The following ITGA6 variants were observed in gnomAD, a reference collection of about 807,000 sequenced individuals.
ITGA6 encodes integrin subunit alpha 6, also known as integrin alpha-6.
ITGA6 carries 63 observed loss-of-function variants against 133.6 expected under a neutral mutation model. That is an observed-to-expected ratio of 0.47 (90% CI 0.38 to 0.58). ITGA6 has a LOEUF of 0.58. Among genes scored for constraint, ITGA6 ranks in the 20% least tolerant of loss-of-function variants. ITGA6 has a pLI of 0.00. For synonymous variants in ITGA6, 434 were observed against 482.0 expected, an observed-to-expected ratio of 0.90 and a Z score of 1.30; for missense variants, 1,068 against 1,309.4, an observed-to-expected ratio of 0.82 and a Z score of 2.85.
chr2:172,435,612 G>GT (rs1684284876), intron 1 of ITGA6, among the ~76,000 whole-genome samples: 25 of 113,094 alleles, frequency 2.2e-4, no homozygotes, highest in African/African-American at 9.1e-4. Context: ...CAAGAGTTTT[G>GT]TTTCTTTTTT....
intron 9 of ITGA6, 106 bp downstream of exon 9, chr2:172,476,619 T>C (rs1004051604): frequency 2.6e-6 from 2 of 758,816 alleles, no homozygotes; most frequent in African/African-American, 3.4e-5. Context: ...CAAAGGTTTA[T>C]ATGAATTGTG....
rs773590762 is a variant in ITGA6, at chr2:172,475,580, T to A, written c.1181-17T>A. ...TAAAGCGTTTGTTAAAATGTTAAAA[T>A]GTGATGTTGTCAACAGATATTGCAG... On this transcript the variant is annotated splice_polypyrimidine_tract_variant and intron_variant, in intron 7 of 25. Transcript: ENST00000684293. 6.4e-6 allele frequency: 9 copies of A among 1,403,628 alleles called. No individual in the cohort carries two copies. The highest frequency in any genetic ancestry group is 9.1e-6 in the Non-Finnish European group (9 of 987,900). 86.9% of individuals were successfully genotyped at this position (1,403,628 alleles called of 1,614,324 possible).
intron 2 of ITGA6, chr2:172,465,964 A>G (rs984476696): frequency 1.9e-5 from 9 of 472,316 alleles, no homozygotes; most frequent in African/African-American, 1.6e-4. Flanking sequence ...CTCATTTCAT[A>G]GCAATGAAGA....
chr2:172,500,680 C>T (rs28463972), intron 24 of ITGA6, among the ~76,000 whole-genome samples: 29,945 of 152,038 alleles, frequency 0.2, 4,222 homozygotes, highest in African/African-American at 0.4. Flanking sequence ...GGCCTCTTGG[C>T]TCCTGGTTTA....
chr2:172,449,323 T>C (rs1362957737), intron 1 of ITGA6, among the ~76,000 whole-genome samples: 2 of 152,212 alleles, frequency 1.3e-5, no homozygotes, highest in African/African-American at 4.8e-5. Flanking sequence ...GTCCTACAAA[T>C]ATGAGTAGTT....
chr2:172,487,469 G>A lies in ITGA6; in HGVS notation c.2160+16G>A, dbSNP rs750245104. ...GGCTTTCCCTGTAAGTATTGTTAGA[G>A]ACCAGCTGAGAGGGGAAAAAAATCA... On this transcript the variant is annotated intron_variant, in intron 15 of 25. Coordinates refer to ENST00000684293, the MANE Select transcript of ITGA6 (RefSeq NM_000210.4). The A allele has an allele frequency of 1.9e-6, 3 of 1,612,464 alleles. No individual in the cohort carries two copies. Among genetic ancestry groups the A allele is most frequent in the Non-Finnish European group, 2.5e-6 (3 of 1,178,648 alleles).
At chr2:172,473,470 A>G (rs1686032863) in intron 5 of ITGA6, among the ~76,000 whole-genome samples, 2 of 152,248 alleles carry the variant, frequency 1.3e-5, no homozygotes, top group South Asian at 4.1e-4. Flanking sequence ...AGTTGGTCCA[A>G]AACAATGAAA....
At chr2:172,493,067 A>T (rs1308488186) in intron 23 of ITGA6, among the ~76,000 whole-genome samples, 4 of 117,830 alleles carry the variant, frequency 3.4e-5, no homozygotes, top group Non-Finnish European at 6.6e-5. Flanking sequence ...CACCACGCCC[A>T]GCTAATTTTT....
At chr2:172,436,215 T>C (rs1684314562) in intron 1 of ITGA6, among the ~76,000 whole-genome samples, 1 of 152,138 alleles carries the variant, frequency 6.6e-6, no homozygotes, top group Non-Finnish European at 1.5e-5. Context: ...GACAGTGGCC[T>C]TGGGGAAGGC....
intron 1 of ITGA6, among the ~76,000 whole-genome samples, chr2:172,447,043 G>A (rs1684796712): frequency 6.6e-6 from 1 of 151,976 alleles, no homozygotes; most frequent in Non-Finnish European, 1.5e-5. Context: ...GATTACAGGT[G>A]TGCACCACCG....
intron 23 of ITGA6, among the ~76,000 whole-genome samples, 180 bp from the exon 24 acceptor site, chr2:172,497,795 A>G (rs189207455): frequency 3.7e-4 from 56 of 152,342 alleles, no homozygotes; most frequent in African/African-American, 1.2e-3. Context: ...AAGATCTTCA[A>G]GGAATGTCTC....
intron 23 of ITGA6, among the ~76,000 whole-genome samples, chr2:172,494,481 C>T (rs1403439914): frequency 6.6e-6 from 1 of 152,152 alleles, no homozygotes; most frequent in African/African-American, 2.4e-5. Context: ...ACACTCCAGC[C>T]AGGACAACAG....
chr2:172,439,153 G>A (rs1465124992), intron 1 of ITGA6, among the ~76,000 whole-genome samples: 1 of 151,982 alleles, frequency 6.6e-6, no homozygotes, highest in Admixed American at 6.6e-5. Context: ...GACTGGGTGT[G>A]TGTGATACAG....
intron 1 of ITGA6, among the ~76,000 whole-genome samples, chr2:172,430,055 G>A (rs1684046125): frequency 6.6e-6 from 1 of 152,240 alleles, no homozygotes; most frequent in Non-Finnish European, 1.5e-5. Context: ...GGGTCTTTCA[G>A]GGACCTGGTG....
At chr2:172,452,576 C>T (rs1045555899) in intron 1 of ITGA6, among the ~76,000 whole-genome samples, 1 of 152,154 alleles carries the variant, frequency 6.6e-6, no homozygotes, top group Non-Finnish European at 1.5e-5. Flanking sequence ...TAGGGTGATT[C>T]TCCTGCATTT....
At chr2:172,468,515 T>C (rs1411181355) in intron 3 of ITGA6, among the ~76,000 whole-genome samples, 2 of 152,254 alleles carry the variant, frequency 1.3e-5, no homozygotes, top group African/African-American at 4.8e-5. Context: ...ATTCATACCC[T>C]GTAGAAATTA....
At chr2:172,461,395 G>GTTCACA (rs2149030601) in intron 1 of ITGA6, among the ~76,000 whole-genome samples, 1 of 152,284 alleles carries the variant, frequency 6.6e-6, no homozygotes, top group Admixed American at 6.5e-5. Flanking sequence ...AATGATCTTA[G>GTTCACA]TTCACACCCA....
chr2:172,498,841 A>C (rs934066379), intron 24 of ITGA6, among the ~76,000 whole-genome samples: 34 of 152,258 alleles, frequency 2.2e-4, no homozygotes, highest in South Asian at 4.1e-4. Context: ...AAGCTCTGAA[A>C]CCTTGAAGTA....
chr2:172,497,628 C>T lies in ITGA6; in HGVS notation c.2989-347C>T, dbSNP rs542136771. On this transcript the variant is annotated intron_variant, in intron 23 of 25. Coordinates refer to ENST00000684293, the MANE Select transcript of ITGA6 (RefSeq NM_000210.4). ...AGAGCAATTTGTTTAGATACACAGA[C>T]TGGCTGTATATTGATAATTGCTGGA... is the stretch of plus-strand genomic sequence containing the variant. 4.6e-5 allele frequency among the ~76,000 whole-genome samples: 7 copies of T among 152,080 alleles called. No individual in the cohort carries two copies. The East Asian group carries it at 1.4e-3, about 29-fold the overall frequency.
Sources: allele counts gnomAD v4.1 joint callset (sites outside exome capture counted in the v4.1 genomes callset), GRCh38; gene constraint gnomAD v4.1.1; transcripts MANE v1.5; gene names NCBI Gene and HGNC (gene_info 2026-07-23, HGNC 2026-07-21).